VPS13D: variants seen among roughly 807,000 people sequenced by gnomAD.
The protein encoded by VPS13D is intermembrane lipid transfer protein VPS13D.
A neutral mutation model predicts 461.9 loss-of-function variants in VPS13D; 187 were observed. The observed-to-expected ratio is 0.40, with a 90% CI of 0.36 to 0.46. The LOEUF (loss-of-function observed/expected upper bound fraction) is 0.46, where lower values mean the gene tolerates loss of function less well. Among genes scored for constraint, VPS13D ranks in the 20% least tolerant of loss-of-function variants. The pLI, the probability that VPS13D is intolerant of heterozygous loss-of-function variation, is 0.60. For missense variants in VPS13D, 4,711 were observed against 5,364.9 expected (o/e 0.88, Z 3.81); for synonymous variants, 1,951 against 1,986.3 (o/e 0.98, Z 0.47).
intron 5 of VPS13D, among the ~76,000 whole-genome samples, chr1:12,248,389 C>CT (rs1640627964): frequency 6.6e-6 from 1 of 151,846 alleles, no homozygotes; most frequent in Non-Finnish European, 1.5e-5. Context: ...GTTGCCTAGG[C>CT]TGGAGTGCAG....
At chr1:12,457,673 T>A (rs925243163) in intron 66 of VPS13D, among the ~76,000 whole-genome samples, 1 of 152,224 alleles carries the variant, frequency 6.6e-6, no homozygotes, top group South Asian at 2.1e-4. Flanking sequence ...AATATTATAT[T>A]TCTATTTGTG....
At chr1:12,461,869 C>T (rs956593156) in intron 67 of VPS13D, among the ~76,000 whole-genome samples, 3 of 152,152 alleles carry the variant, frequency 2.0e-5, no homozygotes, top group African/African-American at 7.2e-5. Flanking sequence ...TGTCAGCTTG[C>T]AAGTCTTCAT....
At position 12,322,719 on chromosome 1, in the gene VPS13D, A is replaced by C. The variant is rs140773267; in HGVS notation, c.7888A>C (p.Thr2630Pro). The C allele has an allele frequency of 1.1e-5, 18 of 1,614,080 alleles. No individual in the cohort carries two copies. The African/African-American group carries it at 2.4e-4, about 22-fold the overall frequency. The stretch of plus-strand genomic sequence containing the variant: ...CGTTGGAGAGGAAATCAGAGAAGGG[A>C]CAAGACACACCTTAGATCCTGTCTT... ...SRVGEEIREG[T>P]RHTLDPVLEL... The change falls in exon 34 of 70, where the codon ACA becomes CCA. Residue 2630 changes from threonine (T) to proline (P), a missense_variant. By Grantham distance (38) the Thr-to-Pro change is conservative. Transcript: ENST00000620676.
chr1:12,272,867 T>A, intron 17 of VPS13D, 136 bp from the exon 18 acceptor site: 1 of 1,261,926 alleles, frequency 7.9e-7, no homozygotes, highest in Non-Finnish European at 1.1e-6. Context: ...ACTTTTGTCT[T>A]AGACTTTTTG....
In VPS13D at chr1:12,497,507, G is replaced by C; in HGVS notation, c.12670G>C (p.Ala4224Pro). The C allele has an allele frequency of 6.2e-7, 1 of 1,613,866 alleles. No homozygotes were observed. Among genetic ancestry groups the C allele is most frequent in the South Asian group, 1.1e-5 (1 of 91,040 alleles). Residue 4224 changes from alanine to proline, a missense_variant, in exon 68 of 70, where the codon GCA becomes CCA. Transcript: ENST00000620676. ...TATLSGPRTQ[A>P]QRVRKPRCCT... ...GTCCATTTACCCATCTAGGACTCAA[G>C]CACAGAGGGTTCGGAAACCGCGTTG...
intron 67 of VPS13D, among the ~76,000 whole-genome samples, chr1:12,493,644 A>G (rs1409003143): frequency 6.6e-6 from 1 of 152,212 alleles, no homozygotes; most frequent in African/African-American, 2.4e-5. Flanking sequence ...GGCCTACTTG[A>G]ACGTACAGTG....
chr1:12,276,230 A>G lies in VPS13D; in HGVS notation c.2642A>G (p.Asp881Gly). Residue 881 changes from aspartate to glycine, a missense_variant, in exon 19 of 70, where the codon GAC becomes GGC. This residue lies in a region of VPS13D where 4,411 missense variants were observed against 4,937.8 expected (regional missense o/e 0.89). Transcript: ENST00000620676. The surrounding 1 kb of genome is among the most constrained non-coding windows in gnomAD (Gnocchi z 4.5). ...PGAVLSGNLP[D>G]LKIHINEDKI... ...GCCGTGCTCTCAGGCAACTTACCAG[A>G]CTTAAAAATCCACATTAATGAAGAT... The G allele has an allele frequency of 6.2e-7, 1 of 1,614,024 alleles. No individual in the cohort carries two copies. Among genetic ancestry groups the G allele is most frequent in the Non-Finnish European group, 8.5e-7 (1 of 1,180,010 alleles).
At position 12,293,634 on chromosome 1, in the gene VPS13D, C is replaced by G. The variant is rs1282533684; in HGVS notation, c.5963C>G (p.Ala1988Gly). 9 of 1,614,062 alleles carry G rather than the reference C, an allele frequency of 5.6e-6. No homozygotes were observed. Among genetic ancestry groups the G allele is most frequent in the African/African-American group, 1.3e-5 (1 of 74,920 alleles). The change falls in exon 24 of 70, where the codon GCC (alanine) becomes GGC (glycine). Residue 1988 changes from alanine to glycine, a missense_variant. Physicochemically the swap from Ala to Gly is moderately conservative, Grantham distance 60. Around this residue, in one of 3 missense-constraint regions of VPS13D, gnomAD observed 4,411 missense variants for 4,937.8 expected, o/e 0.89. Transcript: ENST00000620676. ...HTQRFQAEVV[A>G]FIQHFTQLQD... Reference sequence around the variant, plus strand: ...CAGCGTTTCCAGGCAGAGGTGGTGGCCTTCATTCAGCATTTCACTCAGCTG... The same window carrying G: ...CAGCGTTTCCAGGCAGAGGTGGTGGGCTTCATTCAGCATTTCACTCAGCTG...
intron 6 of VPS13D, 63 bp downstream of exon 6, chr1:12,249,402 C>A: frequency 1.5e-6 from 2 of 1,358,228 alleles, no homozygotes; most frequent in East Asian, 2.4e-5. Context: ...TGGGGCTCTG[C>A]CTTTTGCCAT....
chr1:12,311,666 C>T, intron 28 of VPS13D, 41 bp downstream of exon 28: 2 of 1,608,854 alleles, frequency 1.2e-6, no homozygotes, highest in Non-Finnish European at 1.7e-6. Context: ...CTCATAGTCT[C>T]AGCTGACGGT....
intron 11 of VPS13D, 22 bp downstream of exon 11, chr1:12,260,816 G>A: frequency 6.2e-7 from 1 of 1,613,270 alleles, no homozygotes; most frequent in Non-Finnish European, 8.5e-7. Context: ...TCTACAAGAG[G>A]ATTTGTTCAG....
chr1:12,358,340 G>A (rs1165163578), intron 49 of VPS13D, 119 bp from the exon 50 acceptor site: 3 of 1,329,330 alleles, frequency 2.3e-6, no homozygotes, highest in African/African-American at 1.5e-5. Context: ...GAGTGAGGAA[G>A]AGAGTCAGTG....
intron 25 of VPS13D, 38 bp from the exon 26 acceptor site, chr1:12,304,468 C>G (rs1468878749): frequency 1.3e-6 from 2 of 1,566,410 alleles, no homozygotes; most frequent in Admixed American, 3.7e-5. Flanking sequence ...GCCCCCTTCC[C>G]ATTTCCTGCA....
At chr1:12,488,518 T>G (rs1645831822) in intron 67 of VPS13D, among the ~76,000 whole-genome samples, 1 of 148,888 alleles carries the variant, frequency 6.7e-6, no homozygotes. Context: ...GAGGTCAACT[T>G]TGGGAGAAGG....
At chr1:12,425,144 A>G (rs966517567) in intron 65 of VPS13D, among the ~76,000 whole-genome samples, 1 of 151,872 alleles carries the variant, frequency 6.6e-6, no homozygotes, top group South Asian at 2.1e-4. Flanking sequence ...TTTTTTTTTT[A>G]AATTTCTTTC....
intron 67 of VPS13D, among the ~76,000 whole-genome samples, chr1:12,472,037 C>T (rs1010934504): frequency 6.6e-6 from 1 of 152,224 alleles, no homozygotes; most frequent in African/African-American, 2.4e-5. Flanking sequence ...TTGATGTCCT[C>T]TGCTCCCATC....
At chr1:12,327,985 A>G (rs1418646946) in intron 36 of VPS13D, 131 bp downstream of exon 36, 2 of 947,204 alleles carry the variant, frequency 2.1e-6, no homozygotes, top group Middle Eastern at 3.3e-4. Flanking sequence ...ATAGTTTTAC[A>G]TATGTTTTTC....
At chr1:12,500,282 A>G (rs1646018836) in intron 68 of VPS13D, 1 of 942,060 alleles carries the variant, frequency 1.1e-6, no homozygotes, top group African/African-American at 1.8e-5. Flanking sequence ...TATTCCTCTG[A>G]TAAGTTGCAC....
chr1:12,256,175 A>G, intron 7 of VPS13D, 158 bp from the exon 8 acceptor site: 1 of 776,170 alleles, frequency 1.3e-6, no homozygotes, highest in Non-Finnish European at 2.0e-6. Flanking sequence ...TATAAAAAGA[A>G]TAAAAATGAA....
Sources: allele counts gnomAD v4.1 joint callset (sites outside exome capture counted in the v4.1 genomes callset), GRCh38; gene constraint gnomAD v4.1.1; regional missense constraint gnomAD v4.1.1; non-coding constraint Gnocchi (gnomAD v3.1); transcripts MANE v1.5; gene names NCBI Gene and HGNC (gene_info 2026-07-23, HGNC 2026-07-21).